MYT1L: variants seen among roughly 807,000 people sequenced by gnomAD.
MYT1L encodes the protein myelin transcription factor 1 like, also known as myelin transcription factor 1-like protein.
MYT1L carries 12 observed loss-of-function variants against 126.7 expected under a neutral mutation model. The ratio of observed to expected loss-of-function variants is 0.09; its 90% confidence interval spans 0.06 to 0.15. MYT1L has a LOEUF of 0.15. Among genes scored for constraint, MYT1L ranks in the 10% least tolerant of loss-of-function variants. The pLI is 1.00. For missense variants in MYT1L, 979 were observed against 1,585.2 expected (o/e 0.62, Z 6.49); for synonymous variants, 541 against 604.2 (o/e 0.90, Z 1.53).
At chr2:2,308,033 T>A (rs2095884014) in intron 1 of MYT1L, among the ~76,000 whole-genome samples, 1 of 151,816 alleles carries the variant, frequency 6.6e-6, no homozygotes. Context: ...GCTCCACCTA[T>A]GCCTTAGTAT....
chr2:2,163,103 C>T (rs2088301698), intron 3 of MYT1L, among the ~76,000 whole-genome samples: 1 of 152,158 alleles, frequency 6.6e-6, no homozygotes, highest in African/African-American at 2.4e-5. Flanking sequence ...TAAACTCCAC[C>T]TAGTACACCT....
chr2:2,065,870 AG>A (rs2071210957), intron 3 of MYT1L, among the ~76,000 whole-genome samples: 1 of 151,636 alleles, frequency 6.6e-6, no homozygotes, highest in Non-Finnish European at 1.5e-5. Flanking sequence ...ACACACACAC[AG>A]AGCATCTAGA....
intron 21 of MYT1L, among the ~76,000 whole-genome samples, chr2:1,835,722 A>C (rs763236225): frequency 6.6e-5 from 10 of 152,152 alleles, no homozygotes; most frequent in Non-Finnish European, 1.2e-4. Context: ...GCCCTGTGAC[A>C]CACAGGGAGG....
intron 2 of MYT1L, among the ~76,000 whole-genome samples, chr2:2,207,359 G>T (rs1232376415): frequency 4.6e-5 from 7 of 152,126 alleles, no homozygotes; most frequent in Non-Finnish European, 8.8e-5. Flanking sequence ...CTGCCTTTAT[G>T]CTTCCTTTCC....
intron 18 of MYT1L, among the ~76,000 whole-genome samples, chr2:1,874,241 G>T (rs2046609851): frequency 6.6e-6 from 1 of 151,622 alleles, no homozygotes; most frequent in Non-Finnish European, 1.5e-5. Flanking sequence ...GTGAATATGA[G>T]TTTCAAAGGA....
rs779227893 is a variant in MYT1L at position 1,979,719 on chromosome 2, A to C, written c.55+4T>G. The C allele has an allele frequency of 6.2e-7, 1 of 1,613,904 alleles. No homozygotes were observed. The highest frequency in any genetic ancestry group is 1.7e-5 in the Admixed American group (1 of 60,006). On this transcript the variant is annotated splice_donor_region_variant and intron_variant, in intron 6 of 24. Coordinates refer to ENST00000647738, the MANE Select transcript of MYT1L (RefSeq NM_001303052.2). The surrounding 1 kb of genome is among the most constrained non-coding windows in gnomAD (Gnocchi z 4.0). ...CCTCAGGATGCAGGGAAGCGCGGAC[A>C]TACCTCGAACCCCTTTGGACCGCGT...
At chr2:1,896,498 G>A (rs1173800082) in intron 14 of MYT1L, among the ~76,000 whole-genome samples, 1 of 152,216 alleles carries the variant, frequency 6.6e-6, no homozygotes. Flanking sequence ...GTGATACTAT[G>A]CAGCCATAAA....
chr2:1,951,072 G>T (rs2057709214), intron 8 of MYT1L, among the ~76,000 whole-genome samples: 1 of 152,044 alleles, frequency 6.6e-6, no homozygotes, highest in Non-Finnish European at 1.5e-5. Context: ...TTGCTGGCTT[G>T]GTTTTGGTTG....
At chr2:2,195,646 T>G (rs752843580) in intron 2 of MYT1L, among the ~76,000 whole-genome samples, 5 of 152,116 alleles carry the variant, frequency 3.3e-5, no homozygotes, top group Non-Finnish European at 7.4e-5. Flanking sequence ...TTAAACTCAT[T>G]ATGATGAAAA....
At chr2:2,298,843 A>AT (rs1308229144) in intron 1 of MYT1L, among the ~76,000 whole-genome samples, 1 of 151,906 alleles carries the variant, frequency 6.6e-6, no homozygotes, top group Non-Finnish European at 1.5e-5. Context: ...CTCTGTGTTT[A>AT]TTTTTTTATT....
intron 2 of MYT1L, among the ~76,000 whole-genome samples, chr2:2,281,605 G>A (rs1250216049): frequency 2.0e-5 from 3 of 152,098 alleles, no homozygotes; most frequent in African/African-American, 4.8e-5. Context: ...CTTGAATGGC[G>A]TGAACTTAAC....
chr2:2,180,925 CCTGTAT>C (rs1411209821), intron 2 of MYT1L, among the ~76,000 whole-genome samples: 4 of 148,606 alleles, frequency 2.7e-5, no homozygotes, highest in Non-Finnish European at 5.9e-5. Context: ...TGTGTGTGCA[CCTGTAT>C]CTGTACCTGC....
chr2:2,180,826 G>C (rs892740177), intron 2 of MYT1L, among the ~76,000 whole-genome samples: 1 of 146,846 alleles, frequency 6.8e-6, no homozygotes, highest in Admixed American at 6.6e-5. Context: ...GTGTGTACCT[G>C]TGTGTGCACC....
At position 2,295,565 on chromosome 2, in the gene MYT1L, C is replaced by CAGAGAGAGAGAGAGAGACAGACAG. The variant is rs1559583083; in HGVS notation, c.-520-11063_-520-11062insCTGTCTGTCTCTCTCTCTCTCTCT. On this transcript the variant is annotated intron_variant, in intron 1 of 24. Coordinates refer to ENST00000647738, the MANE Select transcript of MYT1L (RefSeq NM_001303052.2). ...AGAGAGAGAGAGAGAGACAGACAGA[C>CAGAGAGAGAGAGAGAGACAGACAG]AGAGAGAGAGAGAGAGAGACAGACA... Among the ~76,000 whole-genome samples, 4 of 33,858 alleles carry CAGAGAGAGAGAGAGAGACAGACAG rather than the reference C, an allele frequency of 1.2e-4. 1 individual carries two copies. The South Asian group carries it at 3.7e-3, about 31-fold the overall frequency. 22.2% of individuals were successfully genotyped at this position (33,858 alleles called of 152,430 possible). A position where few individuals can be genotyped will look rare whatever the true frequency, so the allele number is the denominator to read the frequency against.
At chr2:1,892,332 C>G (rs1351563361) in intron 14 of MYT1L, 45 bp from the exon 15 acceptor site, 2 of 1,531,652 alleles carry the variant, frequency 1.3e-6, no homozygotes, top group South Asian at 2.5e-5. Context: ...GGCCGCAGGG[C>G]ACACGGCAGA....
intron 8 of MYT1L, among the ~76,000 whole-genome samples, chr2:1,977,199 C>T (rs549340301): frequency 1.3e-5 from 2 of 152,288 alleles, no homozygotes; most frequent in East Asian, 1.9e-4. Flanking sequence ...AACATCCCAG[C>T]GAATGGGTTC....
chr2:1,795,601 G>A (rs747198252), intron 23 of MYT1L: 2 of 152,318 alleles, frequency 1.3e-5, no homozygotes, highest in Non-Finnish European at 2.9e-5. Flanking sequence ...TGTGTCGCGA[G>A]TGGGTGTGGG....
At chr2:2,309,791 C>T (rs188761920) in intron 1 of MYT1L, among the ~76,000 whole-genome samples, 42 of 152,050 alleles carry the variant, frequency 2.8e-4, no homozygotes, top group Admixed American at 2.8e-3. Flanking sequence ...CTTTAGTATA[C>T]CCTATCTATG....
chr2:2,113,606 C>T (rs949295151), intron 3 of MYT1L, among the ~76,000 whole-genome samples: 2 of 152,218 alleles, frequency 1.3e-5, no homozygotes, highest in African/African-American at 4.8e-5. Flanking sequence ...AAAACTGGGC[C>T]ACTTTTAAGT....
Sources: gnomAD v4.1 joint callset for allele counts (sites outside exome capture counted in the v4.1 genomes callset) on GRCh38, gnomAD v4.1.1 for gene constraint, Gnocchi (gnomAD v3.1) non-coding constraint, MANE v1.5 for transcripts, NCBI Gene and HGNC (gene_info 2026-07-23, HGNC 2026-07-21) for gene names.